DGKI: variants seen among roughly 807,000 people sequenced by gnomAD.
DGKI encodes the protein diacylglycerol kinase iota, also known as DAG kinase iota.
Under a neutral mutation model 147.5 loss-of-function variants are expected in DGKI, and 55 were observed. The observed-to-expected ratio is 0.37, with a 90% CI of 0.30 to 0.47. DGKI has a LOEUF of 0.47. DGKI is among the 20% of genes least tolerant of loss of function. The probability of loss-of-function intolerance (pLI) is 1.00; values close to 1 mark genes in which losing one functional copy is unlikely to be tolerated. For synonymous variants in DGKI, 469 were observed against 477.1 expected (o/e 0.98, Z 0.22); for missense variants, 1,007 against 1,323.8 (o/e 0.76, Z 3.71).
chr7:137,824,626 C>T (rs568104427), intron 1 of DGKI, among the ~76,000 whole-genome samples: 3 of 152,020 alleles, frequency 2.0e-5, no homozygotes, highest in East Asian at 1.9e-4. Context: ...GTTTGTTACA[C>T]AAGCGGTTGG....
chr7:137,667,470 C>T (rs781146878), intron 3 of DGKI, among the ~76,000 whole-genome samples: 2 of 152,012 alleles, frequency 1.3e-5, no homozygotes, highest in Non-Finnish European at 2.9e-5. Context: ...CTAGGAAATC[C>T]CAAACACTTT....
intron 20 of DGKI, among the ~76,000 whole-genome samples, chr7:137,536,137 A>G (rs1482806424): frequency 3.3e-5 from 5 of 152,168 alleles, no homozygotes; most frequent in Non-Finnish European, 7.3e-5. Flanking sequence ...AAATATACAT[A>G]CATATATGCA....
intron 20 of DGKI, among the ~76,000 whole-genome samples, chr7:137,543,915 T>C (rs1817783619): frequency 6.6e-6 from 1 of 152,226 alleles, no homozygotes; most frequent in South Asian, 2.1e-4. Flanking sequence ...TCCATATAGT[T>C]TTATTAACTG....
chr7:137,456,766 T>A (rs993634400), intron 27 of DGKI, among the ~76,000 whole-genome samples: 3 of 152,206 alleles, frequency 2.0e-5, no homozygotes, highest in Non-Finnish European at 1.5e-5. Flanking sequence ...TCAAATAAAA[T>A]GGATGTTTAA....
At chr7:137,521,992 G>T (rs1816977346) in intron 20 of DGKI, 26 bp from the exon 21 acceptor site, 2 of 1,565,186 alleles carry the variant, frequency 1.3e-6, no homozygotes, top group African/African-American at 2.7e-5. Context: ...CGAGTGGTCA[G>T]ATACAAATGA....
At chr7:137,435,197 G>T (rs1416613449) in intron 28 of DGKI, among the ~76,000 whole-genome samples, 2 of 152,134 alleles carry the variant, frequency 1.3e-5, no homozygotes, top group African/African-American at 4.8e-5. Context: ...ACAGAATAGG[G>T]CAATGTCTCT....
At chr7:137,775,754 C>G (rs1222821650) in intron 1 of DGKI, among the ~76,000 whole-genome samples, 1 of 152,062 alleles carries the variant, frequency 6.6e-6, no homozygotes, top group African/African-American at 2.4e-5. Flanking sequence ...GTAGGGAACT[C>G]GATAGATAAA....
At chr7:137,794,691 A>G (rs1296395632) in intron 1 of DGKI, among the ~76,000 whole-genome samples, 2 of 152,188 alleles carry the variant, frequency 1.3e-5, no homozygotes, top group African/African-American at 2.4e-5. Context: ...TCCCCAGTCA[A>G]TCCCAAAGCT....
chr7:137,552,908 C>G (rs887244087), intron 19 of DGKI, among the ~76,000 whole-genome samples: 3 of 151,994 alleles, frequency 2.0e-5, no homozygotes, highest in Non-Finnish European at 2.9e-5. Flanking sequence ...GAGCGAGACT[C>G]CATCTCAAAG....
intron 1 of DGKI, among the ~76,000 whole-genome samples, chr7:137,823,600 CAAGGCAT>C (rs1797969922): frequency 6.6e-6 from 1 of 152,160 alleles, no homozygotes; most frequent in Non-Finnish European, 1.5e-5. Flanking sequence ...TTCCATCAGA[CAAGGCAT>C]AAGTCAGAAA....
intron 23 of DGKI, among the ~76,000 whole-genome samples, chr7:137,474,956 T>A (rs935834599): frequency 6.6e-6 from 1 of 152,142 alleles, no homozygotes; most frequent in Admixed American, 6.6e-5. Context: ...AAGGGTTCTT[T>A]TGAGGAATTA....
intron 28 of DGKI, among the ~76,000 whole-genome samples, chr7:137,418,354 A>G (rs1812435835): frequency 6.6e-6 from 1 of 152,226 alleles, no homozygotes; most frequent in Admixed American, 6.5e-5. Flanking sequence ...TGTGGAGAGC[A>G]GCAGGGAGAA....
chr7:137,695,083 A>G (rs1823739124), intron 1 of DGKI, among the ~76,000 whole-genome samples: 1 of 152,236 alleles, frequency 6.6e-6, no homozygotes, highest in Non-Finnish European at 1.5e-5. Flanking sequence ...TCAACATAAT[A>G]TACAACTATT....
rs183553835 is a variant in DGKI at position 137,450,206 on chromosome 7, G to A, written c.2736-6104C>T. 2.4e-4 allele frequency among the ~76,000 whole-genome samples: 37 copies of A among 152,250 alleles called. 1 individual carries two copies. In the East Asian group the frequency reaches 4.1e-3, roughly 17 times the overall value. On this transcript the variant is annotated intron_variant, in intron 27 of 32. Transcript: ENST00000614521. ...GTTAGATAGGAAGAATAGTTCAGGA[G>A]ATTTATGGTATAGCATGCTGACTAT... is the stretch of plus-strand genomic sequence containing the variant.
intron 22 of DGKI, among the ~76,000 whole-genome samples, chr7:137,486,937 A>G (rs1236746729): frequency 6.6e-6 from 1 of 152,152 alleles, no homozygotes; most frequent in Non-Finnish European, 1.5e-5. Context: ...AGAAATCGTC[A>G]TATATGCTTT....
chr7:137,566,109 C>T (rs1818576545), intron 19 of DGKI, among the ~76,000 whole-genome samples: 1 of 152,056 alleles, frequency 6.6e-6, no homozygotes, highest in East Asian at 1.9e-4. Flanking sequence ...TTACTACACA[C>T]ATATAAATTT....
chr7:137,559,157 C>T (rs1256539259), intron 19 of DGKI, among the ~76,000 whole-genome samples: 2 of 139,360 alleles, frequency 1.4e-5, no homozygotes, highest in African/African-American at 2.8e-5. Flanking sequence ...CTGCAAGCTC[C>T]GCCTCCCGGG....
chr7:137,719,904 G>A (rs1187130357), intron 1 of DGKI, among the ~76,000 whole-genome samples: 1 of 152,152 alleles, frequency 6.6e-6, no homozygotes, highest in Non-Finnish European at 1.5e-5. Context: ...ACCTGGTCCT[G>A]AAACATTTTC....
intron 6 of DGKI, among the ~76,000 whole-genome samples, chr7:137,642,540 G>T (rs145694807): frequency 1.8e-4 from 27 of 152,142 alleles, no homozygotes; most frequent in African/African-American, 6.0e-4. Flanking sequence ...GAGCATTTTG[G>T]CTCTTTTCTG....
Sources: allele counts gnomAD v4.1 joint callset (sites outside exome capture counted in the v4.1 genomes callset), GRCh38; gene constraint gnomAD v4.1.1; transcripts MANE v1.5; gene names NCBI Gene and HGNC (gene_info 2026-07-23, HGNC 2026-07-21).